LRFN5: variants seen among roughly 807,000 people sequenced by gnomAD.
The protein encoded by LRFN5 is leucine-rich repeat and fibronectin type-III domain-containing protein 5.
In LRFN5, 24 loss-of-function variants were observed where a neutral mutation model predicts 45.6. The ratio of observed to expected loss-of-function variants is 0.53; its 90% CI spans 0.38 to 0.74. The LOEUF (loss-of-function observed/expected upper bound fraction) is 0.74, where lower values mean the gene tolerates loss of function less well. LRFN5 is among the 30% of genes least tolerant of loss of function. The pLI is 0.00. For synonymous variants in LRFN5, 340 were observed against 313.8 expected, an observed-to-expected ratio of 1.08 and a Z score of -0.88; for missense variants, 776 against 861.5, an observed-to-expected ratio of 0.90 and a Z score of 1.24.
intron 1 of LRFN5, among the ~76,000 whole-genome samples, chr14:41,658,086 A>G (rs1880462839): frequency 6.6e-6 from 1 of 152,010 alleles, no homozygotes; most frequent in Admixed American, 6.6e-5. Flanking sequence ...TCTTATAGCT[A>G]AAATATGATT....
At chr14:41,679,819 G>A (rs1456540553) in intron 1 of LRFN5, among the ~76,000 whole-genome samples, 1 of 152,198 alleles carries the variant, frequency 6.6e-6, no homozygotes, top group East Asian at 1.9e-4. Context: ...TGGAGTCCTT[G>A]ATTCCAGGCC....
intron 2 of LRFN5, among the ~76,000 whole-genome samples, chr14:41,883,369 G>C (rs1048923422): frequency 3.3e-5 from 5 of 151,844 alleles, no homozygotes; most frequent in Admixed American, 1.3e-4. Flanking sequence ...ATAAAATATT[G>C]CATACATATC....
At chr14:41,822,050 T>C (rs561668835) in intron 2 of LRFN5, among the ~76,000 whole-genome samples, 1 of 152,070 alleles carries the variant, frequency 6.6e-6, no homozygotes, top group African/African-American at 2.4e-5. Flanking sequence ...ATCTTCTCCC[T>C]TTTTTTCTTG....
At chr14:41,889,022 TATATACACATGTATATATAC>T (rs1176469441) in intron 3 of LRFN5, among the ~76,000 whole-genome samples, 13 of 150,042 alleles carry the variant, frequency 8.7e-5, no homozygotes, top group Non-Finnish European at 1.6e-4. Flanking sequence ...TGTGTGTGTA[TATATACACATGTATATATAC>T]ATGTGTGTAT....
chr14:41,729,814 A>T (rs573407860), intron 1 of LRFN5, among the ~76,000 whole-genome samples: 25 of 152,054 alleles, frequency 1.6e-4, no homozygotes, highest in African/African-American at 4.1e-4. Context: ...TCATTTTTTT[A>T]AAAAAATACT....
intron 5 of LRFN5, among the ~76,000 whole-genome samples, chr14:41,899,942 T>C (rs912384155): frequency 6.6e-6 from 1 of 152,280 alleles, no homozygotes; most frequent in African/African-American, 2.4e-5. Flanking sequence ...TTCTATTGTA[T>C]GCAGTGAATT....
intron 5 of LRFN5, among the ~76,000 whole-genome samples, chr14:41,902,415 A>C (rs1891130464): frequency 6.6e-6 from 1 of 151,918 alleles, no homozygotes; most frequent in East Asian, 1.9e-4. Context: ...ATTGATAAGT[A>C]AATTAAAAAG....
intron 1 of LRFN5, chr14:41,731,296 C>T (rs1279938155): frequency 6.6e-6 from 1 of 151,270 alleles, no homozygotes; most frequent in Non-Finnish European, 1.5e-5. Flanking sequence ...CTGAAATGCT[C>T]TCTCTCTCTC....
chr14:41,792,320 T>C (rs558353409), intron 2 of LRFN5, among the ~76,000 whole-genome samples: 1 of 152,176 alleles, frequency 6.6e-6, no homozygotes, highest in East Asian at 1.9e-4. Flanking sequence ...TGTTCAGCTG[T>C]GCACGTATTA....
At chr14:41,838,572 A>G (rs1423306777) in intron 2 of LRFN5, among the ~76,000 whole-genome samples, 1 of 152,184 alleles carries the variant, frequency 6.6e-6, no homozygotes, top group African/African-American at 2.4e-5. Flanking sequence ...GATATGTCTT[A>G]TGTCTCTCCC....
chr14:41,719,864 T>C (rs1883642441), intron 1 of LRFN5, among the ~76,000 whole-genome samples: 1 of 152,006 alleles, frequency 6.6e-6, no homozygotes, highest in Non-Finnish European at 1.5e-5. Context: ...TTCTAACTTT[T>C]TGATGTAGGT....
intron 2 of LRFN5, among the ~76,000 whole-genome samples, chr14:41,863,578 T>A (rs996618587): frequency 6.6e-6 from 1 of 152,234 alleles, no homozygotes; most frequent in Non-Finnish European, 1.5e-5. Flanking sequence ...GCATATTTTA[T>A]AGACGTTTTC....
intron 1 of LRFN5, among the ~76,000 whole-genome samples, chr14:41,641,650 A>G (rs1879582709): frequency 6.6e-6 from 1 of 152,104 alleles, no homozygotes; most frequent in African/African-American, 2.4e-5. Context: ...TTCCATAAAT[A>G]TAATGCCACA....
At chr14:41,754,864 C>T (rs964365133) in intron 1 of LRFN5, among the ~76,000 whole-genome samples, 1 of 151,998 alleles carries the variant, frequency 6.6e-6, no homozygotes, top group African/African-American at 2.4e-5. Flanking sequence ...GTTAGGGTGT[C>T]GATTTTAGAT....
intron 1 of LRFN5, among the ~76,000 whole-genome samples, chr14:41,672,498 T>C (rs1337649110): frequency 6.6e-6 from 1 of 152,218 alleles, no homozygotes; most frequent in African/African-American, 2.4e-5. Flanking sequence ...GTGATGATGT[T>C]TTTAGTTATT....
At chr14:41,883,193 G>C (rs182315519) in intron 2 of LRFN5, among the ~76,000 whole-genome samples, 3 of 150,478 alleles carry the variant, frequency 2.0e-5, no homozygotes, top group Non-Finnish European at 2.9e-5. Context: ...CTGGAAGTTA[G>C]ATTCTTTAAG....
intron 1 of LRFN5, among the ~76,000 whole-genome samples, chr14:41,702,830 C>T (rs1882893723): frequency 6.6e-6 from 1 of 151,838 alleles, no homozygotes; most frequent in Non-Finnish European, 1.5e-5. Flanking sequence ...AGGATATACA[C>T]TACTACTTAA....
chr14:41,672,702 T>C (rs1881292766), intron 1 of LRFN5, among the ~76,000 whole-genome samples: 1 of 152,192 alleles, frequency 6.6e-6, no homozygotes, highest in South Asian at 2.1e-4. Context: ...TGAATCTCCC[T>C]TAAATATAGG....
chr14:41,764,000 G>A (rs1243270154), intron 1 of LRFN5, among the ~76,000 whole-genome samples: 2 of 151,994 alleles, frequency 1.3e-5, no homozygotes, highest in Non-Finnish European at 2.9e-5. Flanking sequence ...TTTTTTATAG[G>A]ATGTTCCATT....
Sources: allele counts gnomAD v4.1 joint callset (sites outside exome capture counted in the v4.1 genomes callset), GRCh38; gene constraint gnomAD v4.1.1; transcripts MANE v1.5; gene names NCBI Gene and HGNC (gene_info 2026-07-23, HGNC 2026-07-21).